NKAIN3: variants seen among roughly 807,000 people sequenced by gnomAD.
NKAIN3 encodes sodium/potassium transporting ATPase interacting 3, also known as sodium/potassium-transporting ATPase subunit beta-1-interacting protein 3.
Under a neutral mutation model 30.2 loss-of-function variants are expected in NKAIN3, and 25 were observed. That is an observed-to-expected ratio of 0.83 (90% CI 0.60 to 1.16). The LOEUF is 1.16. NKAIN3 is among the 50% of genes most tolerant of loss of function. NKAIN3 has a pLI of 0.00. For synonymous variants in NKAIN3, 91 were observed against 89.6 expected, an observed-to-expected ratio of 1.02 and a Z score of -0.09; for missense variants, 225 against 254.1, an observed-to-expected ratio of 0.89 and a Z score of 0.78.
chr8:62,500,804 G>A (rs1807424353), intron 1 of NKAIN3, among the ~76,000 whole-genome samples: 2 of 152,122 alleles, frequency 1.3e-5, no homozygotes, highest in African/African-American at 4.8e-5. Context: ...TGATTCCAAA[G>A]CTTTTGTTGC....
chr8:62,972,791 C>T lies in NKAIN3; in HGVS notation c.*7384C>T, dbSNP rs565755745. ...GCTGCACCCATCAATTCATCATCTACATTAGGTATATCTCCTAATGTTATC... is the reference window on the plus strand; with the variant it reads ...GCTGCACCCATCAATTCATCATCTATATTAGGTATATCTCCTAATGTTATC... On this transcript the variant is annotated 3_prime_UTR_variant, in exon 7 of 7. Transcript: ENST00000623646. Among the ~76,000 whole-genome samples, 1 of 152,286 alleles carries T rather than the reference C, an allele frequency of 6.6e-6. No individual in the cohort carries two copies. The highest frequency in any genetic ancestry group is 1.9e-4 in the East Asian group (1 of 5,190).
intron 3 of NKAIN3, among the ~76,000 whole-genome samples, chr8:62,719,683 T>C (rs2130513829): frequency 6.6e-6 from 1 of 152,038 alleles, no homozygotes; most frequent in South Asian, 2.1e-4. Flanking sequence ...GTCATAACTA[T>C]CACCAACACT....
chr8:62,505,684 A>G (rs1407850201), intron 1 of NKAIN3, among the ~76,000 whole-genome samples: 4 of 152,174 alleles, frequency 2.6e-5, no homozygotes, highest in Non-Finnish European at 5.9e-5. Flanking sequence ...ATCCAGTAGT[A>G]TCATTGGTAT....
intron 1 of NKAIN3, among the ~76,000 whole-genome samples, chr8:62,428,960 C>T (rs1231756686): frequency 5.3e-5 from 8 of 151,762 alleles, no homozygotes; most frequent in Admixed American, 4.6e-4. Context: ...TCATAGTTTC[C>T]ATTCTTAGAT....
At chr8:62,851,120 C>T (rs1050859065) in intron 4 of NKAIN3, among the ~76,000 whole-genome samples, 1 of 152,026 alleles carries the variant, frequency 6.6e-6, no homozygotes, top group African/African-American at 2.4e-5. Flanking sequence ...CTTGTATCCT[C>T]TTTTATTTCC....
At chr8:62,986,129 A>C (rs1352067172), downstream of NKAIN3, among the ~76,000 whole-genome samples, 1 of 152,214 alleles carries the variant, frequency 6.6e-6, no homozygotes, top group African/African-American at 2.4e-5. Flanking sequence ...CAACAACTTA[A>C]GCATACCCTA....
At chr8:62,705,037 G>T (rs1814474195) in intron 3 of NKAIN3, among the ~76,000 whole-genome samples, 1 of 152,116 alleles carries the variant, frequency 6.6e-6, no homozygotes, top group Non-Finnish European at 1.5e-5. Context: ...TTGTTGCTGA[G>T]AACAATGATT....
At chr8:62,780,348 A>T (rs886104408) in intron 4 of NKAIN3, among the ~76,000 whole-genome samples, 4 of 152,112 alleles carry the variant, frequency 2.6e-5, no homozygotes, top group African/African-American at 9.6e-5. Context: ...TTATCAATGA[A>T]TTACACCAAA....
chr8:62,752,775 G>C (rs1046145793), intron 4 of NKAIN3, among the ~76,000 whole-genome samples: 2 of 151,974 alleles, frequency 1.3e-5, no homozygotes, highest in African/African-American at 4.8e-5. Context: ...TACATTTTCT[G>C]GATTTTAGAT....
chr8:62,860,615 C>T (rs1000231374), intron 4 of NKAIN3, among the ~76,000 whole-genome samples: 1 of 152,212 alleles, frequency 6.6e-6, no homozygotes, highest in South Asian at 2.1e-4. Flanking sequence ...CCCACTTCTT[C>T]CTGCTAAACA....
At chr8:62,756,516 G>A (rs1816457134) in intron 4 of NKAIN3, among the ~76,000 whole-genome samples, 1 of 152,148 alleles carries the variant, frequency 6.6e-6, no homozygotes, top group East Asian at 1.9e-4. Flanking sequence ...TTTAAATTTA[G>A]TTAGCCTTCA....
intron 1 of NKAIN3, among the ~76,000 whole-genome samples, chr8:62,435,375 C>A (rs1432895185): frequency 6.6e-6 from 1 of 152,086 alleles, no homozygotes; most frequent in Non-Finnish European, 1.5e-5. Context: ...TGTACTCTTA[C>A]CAAAAACCAC....
rs1554597480 is a variant in NKAIN3, at chr8:62,965,631, A to AAAAG, written c.*227_*228insGAAA. ...ACACTTGTAAGTTGTAAAAAAAAAA[A>AAAAG]AAAAAGAAAAAACAGAATTTGGTTT... On this transcript the variant is annotated 3_prime_UTR_variant, in exon 7 of 7. Coordinates refer to ENST00000623646, the MANE Select transcript of NKAIN3 (RefSeq NM_001304533.3). 18 of 977,822 alleles carry AAAAG rather than the reference A, an allele frequency of 1.8e-5. No homozygotes were observed. The African/African-American group carries it at 3.0e-4, about 16-fold the overall frequency. The allele number at this position is 977,822 out of a possible 1,614,324, so 60.6% of individuals were successfully genotyped here.
In NKAIN3 at chr8:62,506,476, C is replaced by CTTTTTTTTTTTTTT. The variant is rs71255341; in HGVS notation, c.55-73060_55-73047dup. Among the ~76,000 whole-genome samples, 196 of 98,444 alleles carry CTTTTTTTTTTTTTT rather than the reference C, an allele frequency of 2.0e-3. 3 individuals are homozygous for CTTTTTTTTTTTTTT. Among genetic ancestry groups the CTTTTTTTTTTTTTT allele is most frequent in the East Asian group, 4.2e-3 (14 of 3,346 alleles). 64.6% of individuals were successfully genotyped at this position (98,444 alleles called of 152,430 possible). A position where few individuals can be genotyped will look rare whatever the true frequency, so the allele number is the denominator to read the frequency against. ...TCTGCTTTTTCTTTTTTCTTTCTTTCTTTTTTTTTTTTTTTTGAGACAGAG... is the reference window on the plus strand; with the variant it reads ...TCTGCTTTTTCTTTTTTCTTTCTTTCTTTTTTTTTTTTTTTTTTTTTTTTTTTTTTGAGACAGAG... On this transcript the variant is annotated intron_variant, in intron 1 of 6. Coordinates refer to ENST00000623646, the MANE Select transcript of NKAIN3 (RefSeq NM_001304533.3).
intron 1 of NKAIN3, among the ~76,000 whole-genome samples, chr8:62,480,781 G>T (rs1349893085): frequency 6.6e-6 from 1 of 152,080 alleles, no homozygotes; most frequent in Non-Finnish European, 1.5e-5. Context: ...GAAGTCAATT[G>T]AATAATGATG....
intron 4 of NKAIN3, among the ~76,000 whole-genome samples, chr8:62,874,265 A>G (rs1435895869): frequency 6.6e-6 from 1 of 152,088 alleles, no homozygotes; most frequent in East Asian, 1.9e-4. Flanking sequence ...CATACACACT[A>G]CCAAGACTAA....
chr8:62,507,468 A>G (rs1241787176), intron 1 of NKAIN3, among the ~76,000 whole-genome samples: 1 of 152,178 alleles, frequency 6.6e-6, no homozygotes, highest in Admixed American at 6.5e-5. Flanking sequence ...TCATACTACA[A>G]TTGTTCATCC....
chr8:62,921,560 A>G (rs1822276757), intron 5 of NKAIN3, among the ~76,000 whole-genome samples: 2 of 152,216 alleles, frequency 1.3e-5, no homozygotes, highest in African/African-American at 2.4e-5. Context: ...ACTATTTCTT[A>G]TAAAGATTAT....
Position 62,249,115 on chromosome 8 carries a change from C to T in NKAIN3, c.42C>T (p.Cys14=). Residue 14 remains cysteine, a synonymous_variant, in exon 1 of 7, where the codon TGC becomes TGT. Coordinates refer to ENST00000623646, the MANE Select transcript of NKAIN3 (RefSeq NM_001304533.3). Reference sequence around the variant, plus strand: ...GACGCTGCTCGCTCATCTGCCTCTGCGCGCTGCAGTTGGTGAGTGCCCCGA... The same window carrying T: ...GACGCTGCTCGCTCATCTGCCTCTGTGCGCTGCAGTTGGTGAGTGCCCCGA... ...CTGRCSLICL[C]ALQLVSALER... is the part of the protein sequence containing the mutation. The T allele has an allele frequency of 2.0e-6, 3 of 1,537,792 alleles. No individual in the cohort carries two copies. Among genetic ancestry groups the T allele is most frequent in the Non-Finnish European group, 2.6e-6 (3 of 1,143,720 alleles).
Sources: gnomAD v4.1 joint callset for allele counts (sites outside exome capture counted in the v4.1 genomes callset) on GRCh38, gnomAD v4.1.1 for gene constraint, MANE v1.5 for transcripts, NCBI Gene and HGNC (gene_info 2026-07-23, HGNC 2026-07-21) for gene names.